Variants in PTPRK observed in about 807,000 individuals in gnomAD.
PTPRK encodes the protein protein tyrosine phosphatase receptor type K, also known as receptor-type tyrosine-protein phosphatase kappa.
PTPRK carries 75 observed loss-of-function variants against 178.0 expected under a neutral mutation model. The observed-to-expected ratio is 0.42, with a 90% CI of 0.35 to 0.51. The LOEUF is 0.51. Ranked by LOEUF, PTPRK falls within the 20% of genes least tolerant of loss-of-function variation. PTPRK has a pLI of 0.02. For synonymous variants in PTPRK, 637 were observed against 620.6 expected (o/e 1.03, Z -0.39); for missense variants, 1,441 against 1,797.8 (o/e 0.80, Z 3.59).
intron 2 of PTPRK, among the ~76,000 whole-genome samples, chr6:128,369,325 G>T (rs9372889): frequency 6.6e-6 from 1 of 151,978 alleles, no homozygotes; most frequent in African/African-American, 2.4e-5. Context: ...TGTAAATAAC[G>T]TTTAAAGGCA....
intron 1 of PTPRK, among the ~76,000 whole-genome samples, chr6:128,504,173 C>T (rs2128439147): frequency 6.6e-6 from 1 of 152,188 alleles, no homozygotes; most frequent in Non-Finnish European, 1.5e-5. Flanking sequence ...AGAGTCTTGA[C>T]CTAAAAGGAC....
intron 1 of PTPRK, among the ~76,000 whole-genome samples, chr6:128,410,052 T>C (rs1300150104): frequency 3.3e-5 from 5 of 152,198 alleles, no homozygotes; most frequent in Non-Finnish European, 7.3e-5. Flanking sequence ...TTATGATTAA[T>C]TTTAGTCTAC....
At position 128,488,250 on chromosome 6, in the gene PTPRK, ACT is replaced by A. The variant is rs1853252829; in HGVS notation, c.100+32007_100+32008del. On this transcript the variant is annotated intron_variant, in intron 1 of 29. Coordinates refer to ENST00000368226, the MANE Select transcript of PTPRK (RefSeq NM_002844.4). ...AAGATGAAGGCCAGAAAATTCAGCA[ACT>A]CTGTTAATTCCACTTTCTTCTGCCT... Among the ~76,000 whole-genome samples the A allele has an allele frequency of 3.9e-5, 6 of 152,184 alleles. No homozygotes were observed. In the South Asian group the frequency reaches 1.2e-3, roughly 32 times the overall value.
chr6:128,169,783 A>ATGTGTG (rs10552787), intron 7 of PTPRK, among the ~76,000 whole-genome samples: 56 of 145,542 alleles, frequency 3.8e-4, no homozygotes, highest in Non-Finnish European at 5.4e-4. Context: ...TATTTTTTTA[A>ATGTGTG]TGTGTGTGTG....
At chr6:128,360,250 C>A (rs1031532929) in intron 2 of PTPRK, among the ~76,000 whole-genome samples, 1 of 152,108 alleles carries the variant, frequency 6.6e-6, no homozygotes, top group Admixed American at 6.6e-5. Context: ...GGGACCTGGT[C>A]GCTTTAAGTG....
intron 27 of PTPRK, among the ~76,000 whole-genome samples, chr6:127,974,834 T>C (rs1215435114): frequency 6.6e-6 from 1 of 152,198 alleles, no homozygotes; most frequent in Non-Finnish European, 1.5e-5. Flanking sequence ...TCCTACACTC[T>C]GTATCAGTAG....
intron 3 of PTPRK, among the ~76,000 whole-genome samples, chr6:128,270,344 T>C (rs1819614889): frequency 6.6e-6 from 1 of 152,176 alleles, no homozygotes; most frequent in Non-Finnish European, 1.5e-5. Context: ...CAACATATTT[T>C]CTGGGATGAG....
intron 7 of PTPRK, among the ~76,000 whole-genome samples, chr6:128,140,123 C>A (rs1795565806): frequency 6.6e-6 from 1 of 151,988 alleles, no homozygotes; most frequent in East Asian, 1.9e-4. Flanking sequence ...CCTTAGCACT[C>A]ACATTATTTA....
At chr6:128,074,238 G>A (rs1001534242) in intron 11 of PTPRK, among the ~76,000 whole-genome samples, 31 of 151,914 alleles carry the variant, frequency 2.0e-4, no homozygotes, top group African/African-American at 5.1e-4. Flanking sequence ...TTCCTGCAGC[G>A]CAAAATGGGT....
At chr6:128,380,570 G>C (rs1167720945) in intron 2 of PTPRK, among the ~76,000 whole-genome samples, 3 of 151,392 alleles carry the variant, frequency 2.0e-5, no homozygotes, top group African/African-American at 7.3e-5. Context: ...GTGTGTGTGT[G>C]TGTGTATGCA....
chr6:128,285,297 C>T (rs1292916207), intron 3 of PTPRK, among the ~76,000 whole-genome samples: 1 of 144,460 alleles, frequency 6.9e-6, no homozygotes, highest in East Asian at 2.1e-4. Flanking sequence ...GGCGGGTCAC[C>T]TGAGGTCAGG....
intron 1 of PTPRK, among the ~76,000 whole-genome samples, chr6:128,448,844 T>C (rs966135058): frequency 2.6e-5 from 4 of 152,026 alleles, no homozygotes; most frequent in African/African-American, 4.8e-5. Flanking sequence ...CCAGTTTTGT[T>C]TGTTTGTCTG....
chr6:128,376,920 G>C (rs915757003), intron 2 of PTPRK, among the ~76,000 whole-genome samples: 4 of 152,126 alleles, frequency 2.6e-5, no homozygotes, highest in Non-Finnish European at 5.9e-5. Flanking sequence ...ATCTCCATCT[G>C]AGACCACTTC....
At chr6:128,366,092 T>C (rs962334191) in intron 2 of PTPRK, among the ~76,000 whole-genome samples, 6 of 152,004 alleles carry the variant, frequency 3.9e-5, no homozygotes, top group African/African-American at 1.4e-4. Context: ...GCCCTTACCA[T>C]TAGGAAAACT....
chr6:128,422,667 T>A (rs1843618498), intron 1 of PTPRK, among the ~76,000 whole-genome samples: 1 of 91,154 alleles, frequency 1.1e-5, no homozygotes, highest in East Asian at 3.8e-4. Flanking sequence ...TTTTAACATT[T>A]CACGGACGCA....
intron 7 of PTPRK, among the ~76,000 whole-genome samples, chr6:128,115,258 C>T (rs1413528233): frequency 6.6e-6 from 1 of 152,074 alleles, no homozygotes; most frequent in African/African-American, 2.4e-5. Flanking sequence ...ACATATGTCC[C>T]CTAGGATCCT....
intron 13 of PTPRK, among the ~76,000 whole-genome samples, chr6:128,028,665 C>A (rs961910296): frequency 1.3e-5 from 2 of 152,166 alleles, no homozygotes; most frequent in South Asian, 2.1e-4. Context: ...CTATCAGGTT[C>A]TTTCACAATT....
intron 2 of PTPRK, among the ~76,000 whole-genome samples, chr6:128,377,063 GTTCT>G (rs1165782016): frequency 3.9e-5 from 6 of 152,052 alleles, no homozygotes; most frequent in Non-Finnish European, 8.8e-5. Flanking sequence ...CCTCTAAACT[GTTCT>G]AACCTCTGCC....
chr6:128,015,258 A>G (rs1242278133), intron 13 of PTPRK, among the ~76,000 whole-genome samples: 1 of 151,734 alleles, frequency 6.6e-6, no homozygotes, highest in Non-Finnish European at 1.5e-5. Context: ...TATAATGGTA[A>G]AAAAAGTAAA....
Sources: allele counts gnomAD v4.1 joint callset (sites outside exome capture counted in the v4.1 genomes callset), GRCh38; gene constraint gnomAD v4.1.1; transcripts MANE v1.5; gene names NCBI Gene and HGNC (gene_info 2026-07-23, HGNC 2026-07-21).